TLR2: variants seen among roughly 807,000 people sequenced by gnomAD.
TLR2 encodes the protein toll like receptor 2, also known as toll-like receptor 2.
A neutral mutation model predicts 9.1 loss-of-function variants in TLR2; 7 were observed. That is an observed-to-expected ratio of 0.77 (90% CI 0.44 to 1.44). TLR2 has a LOEUF of 1.44. TLR2 is among the 40% of genes most tolerant of loss of function. The probability of loss-of-function intolerance (pLI) is 0.01; values close to 1 mark genes in which losing one functional copy is unlikely to be tolerated. For synonymous variants in TLR2, 317 were observed against 344.6 expected, an observed-to-expected ratio of 0.92 and a Z score of 0.89; for missense variants, 812 against 904.6, an observed-to-expected ratio of 0.90 and a Z score of 1.31.
rs773976655 is a variant in TLR2 at position 153,704,124 on chromosome 4, G to C, written c.1217G>C (p.Gly406Ala). The change falls in exon 3 of 3, where the codon GGA (glycine) becomes GCA (alanine). Residue 406 changes from glycine to alanine, a missense_variant. Coordinates refer to ENST00000642700, the MANE Select transcript of TLR2 (RefSeq NM_001318789.2). ...CATTTGGCATCATTGGAAAAAACCG[G>C]AGAGACTTTGCTCACTCTGAAAAAC... is the stretch of plus-strand genomic sequence containing the variant. ...QNHLASLEKT[G>A]ETLLTLKNLT... 1 of 1,613,794 alleles carries C rather than the reference G, an allele frequency of 6.2e-7. No individual in the cohort carries two copies. The highest frequency in any genetic ancestry group is 2.2e-5 in the East Asian group (1 of 44,880).
rs1024531382 is a variant in TLR2 at position 153,705,964 on chromosome 4, C to T, written c.*702C>T. ...AAAAGGCATTCTCTGTCCTACCTAG[C>T]TGTCACTTCTCTGTGCAGCTGATCT... is the stretch of plus-strand genomic sequence containing the variant. On this transcript the variant is annotated 3_prime_UTR_variant, in exon 3 of 3. Coordinates refer to ENST00000642700, the MANE Select transcript of TLR2 (RefSeq NM_001318789.2). 1.3e-5 allele frequency among the ~76,000 whole-genome samples: 2 copies of T among 152,216 alleles called. No homozygotes were observed. The highest frequency in any genetic ancestry group is 2.4e-5 in the African/African-American group (1 of 41,462).
At position 153,704,411 on chromosome 4, in the gene TLR2, C is replaced by A. The variant is rs759728260; in HGVS notation, c.1504C>A (p.Leu502Ile). ...AGATGCCTCCCTCTTACCCATGTTA[C>A]TAGTATTGAAAATCAGTAGGAATGC... ...LPDASLLPML[L>I]VLKISRNAIT... Residue 502 changes from leucine to isoleucine, a missense_variant, in exon 3 of 3, where the codon CTA becomes ATA. Coordinates refer to ENST00000642700, the MANE Select transcript of TLR2 (RefSeq NM_001318789.2). 4.3e-6 allele frequency: 7 copies of A among 1,613,990 alleles called. No homozygotes were observed. The highest frequency in any genetic ancestry group is 1.7e-5 in the Admixed American group (1 of 59,998).
rs772688052 is a variant in TLR2 at position 153,705,212 on chromosome 4, G to T, written c.2305G>T (p.Ala769Ser). The T allele has an allele frequency of 2.3e-5, 37 of 1,605,452 alleles. No homozygotes were observed. The South Asian group carries it at 3.4e-4, about 15-fold the overall frequency. Residue 769 changes from alanine to serine, a missense_variant, in exon 3 of 3, where the codon GCT (alanine) becomes TCT (serine). Coordinates refer to ENST00000642700, the MANE Select transcript of TLR2 (RefSeq NM_001318789.2). ...KTYLEWPMDE[A>S]QREGFWVNLR... ...CTACCTGGAGTGGCCCATGGACGAGGCTCAGCGGGAAGGATTTTGGGTAAA... is the reference window on the plus strand; with the variant it reads ...CTACCTGGAGTGGCCCATGGACGAGTCTCAGCGGGAAGGATTTTGGGTAAA...
chr4:153,705,385 TACTAAAACTACAA>T lies in TLR2; in HGVS notation c.*125_*137del. Reference sequence around the variant, plus strand: ...ATGTACCGTCATTTGAGGACTTGCTTACTAAAACTACAAAACTTCAAATTTTGTCTGGGGTGCT... The same window carrying T: ...ATGTACCGTCATTTGAGGACTTGCTTAACTTCAAATTTTGTCTGGGGTGCT... On this transcript the variant is annotated 3_prime_UTR_variant, in exon 3 of 3. Coordinates refer to ENST00000642700, the MANE Select transcript of TLR2 (RefSeq NM_001318789.2). 9.1e-7 allele frequency: 1 copy of T among 1,098,234 alleles called. No homozygotes were observed. Among genetic ancestry groups the T allele is most frequent in the Non-Finnish European group, 1.2e-6 (1 of 807,448 alleles). 68.0% of individuals were successfully genotyped at this position (1,098,234 alleles called of 1,614,324 possible). A position where few individuals can be genotyped will look rare whatever the true frequency, so the allele number is the denominator to read the frequency against.
intron 2 of TLR2, among the ~76,000 whole-genome samples, chr4:153,692,840 C>A (rs1736214937): frequency 6.6e-6 from 1 of 152,206 alleles, no homozygotes; most frequent in Admixed American, 6.5e-5. Context: ...CCAACTCCAA[C>A]TATGTTAAAT....
At chr4:153,710,483 C>T (rs757943437), downstream of TLR2, 3 of 1,609,230 alleles carry the variant, frequency 1.9e-6, no homozygotes, top group African/African-American at 2.7e-5. Context: ...AATGTGTGCG[C>T]TCCCAGCTAA....
At chr4:153,684,683 C>T (rs1404155117) in intron 1 of TLR2, among the ~76,000 whole-genome samples, 4 of 152,314 alleles carry the variant, frequency 2.6e-5, no homozygotes, top group East Asian at 1.9e-4. Context: ...CGGGACCCCG[C>T]GCGTGCAGTG....
intron 2 of TLR2, chr4:153,702,250 T>C (rs1020937442): frequency 1.3e-5 from 2 of 152,250 alleles, no homozygotes; most frequent in Non-Finnish European, 2.9e-5. Flanking sequence ...GTTCTGATGG[T>C]GTGAGTCTCC....
chr4:153,690,687 T>C (rs1736048726), intron 2 of TLR2, among the ~76,000 whole-genome samples: 2 of 152,258 alleles, frequency 1.3e-5, no homozygotes, highest in Admixed American at 6.5e-5. Flanking sequence ...ATTTGGCAAG[T>C]TGGGCATCAC....
intron 2 of TLR2, among the ~76,000 whole-genome samples, chr4:153,691,160 T>C (rs1054620351): frequency 6.6e-6 from 1 of 152,234 alleles, no homozygotes; most frequent in African/African-American, 2.4e-5. Flanking sequence ...GACCCATCTG[T>C]AAAAACATTC....
rs1242391132 is a variant in TLR2 at position 153,696,354 on chromosome 4, T to G, written c.-16-6538T>G. ...ATTTTTTGGTGTCCTCTTTAATTTC[T>G]TGCATCAGTGTTTATAGTGTTTCTT... On this transcript the variant is annotated intron_variant, in intron 2 of 2. Transcript: ENST00000642700. 3.9e-5 allele frequency among the ~76,000 whole-genome samples: 6 copies of G among 152,190 alleles called. No homozygotes were observed. The East Asian group carries it at 1.2e-3, about 29-fold the overall frequency.
intron 2 of TLR2, 107 bp from the exon 3 acceptor site, chr4:153,702,785 T>C (rs1736996692): frequency 1.5e-6 from 1 of 658,622 alleles, no homozygotes; most frequent in African/African-American, 1.8e-5. Context: ...TGTGTGTGTG[T>C]GTGTGTGTGT....
intron 2 of TLR2, among the ~76,000 whole-genome samples, chr4:153,699,877 G>A (rs528583789): frequency 7.2e-4 from 110 of 152,288 alleles, no homozygotes; most frequent in African/African-American, 2.4e-3. Flanking sequence ...CTACATATAT[G>A]TATATGCCAT....
intron 2 of TLR2, among the ~76,000 whole-genome samples, chr4:153,696,579 T>G (rs1034604758): frequency 1.3e-5 from 2 of 152,224 alleles, no homozygotes; most frequent in Admixed American, 1.3e-4. Context: ...ATTTGCTTAT[T>G]ACAGAGAGAC....
chr4:153,707,628 A>G (rs901058283), downstream of TLR2, among the ~76,000 whole-genome samples: 6 of 152,220 alleles, frequency 3.9e-5, no homozygotes, highest in African/African-American at 1.2e-4. Flanking sequence ...CACCAAATAC[A>G]GTAATGGACT....
chr4:153,697,361 T>G (rs1184035437), intron 2 of TLR2, among the ~76,000 whole-genome samples: 1 of 152,164 alleles, frequency 6.6e-6, no homozygotes, highest in Non-Finnish European at 1.5e-5. Flanking sequence ...ATTCTGTGTT[T>G]TATTGAGATA....
At chr4:153,693,593 A>G (rs543279459) in intron 2 of TLR2, among the ~76,000 whole-genome samples, 3 of 152,314 alleles carry the variant, frequency 2.0e-5, no homozygotes, top group African/African-American at 7.2e-5. Context: ...CTTCGAAATA[A>G]TGAGGGGGTG....
chr4:153,693,855 G>A (rs964673273), intron 2 of TLR2, among the ~76,000 whole-genome samples: 4 of 152,144 alleles, frequency 2.6e-5, no homozygotes, highest in East Asian at 1.9e-4. Flanking sequence ...TTTGTTCCAC[G>A]TTTTCCAACC....
Position 153,704,398 on chromosome 4 carries a change from C to G in TLR2, c.1491C>G (p.Leu497=), listed in dbSNP as rs1737169293. ...NKLMTLPDAS[L]LPMLLVLKIS... ...TGATGACTCTACCAGATGCCTCCCT[C>G]TTACCCATGTTACTAGTATTGAAAA... The change falls in exon 3 of 3, where the codon CTC becomes CTG. Residue 497 remains leucine, a synonymous_variant. Transcript: ENST00000642700. 6.2e-7 allele frequency: 1 copy of G among 1,613,994 alleles called. No individual in the cohort carries two copies. Among genetic ancestry groups the G allele is most frequent in the African/African-American group, 1.3e-5 (1 of 74,916 alleles).
Sources: gnomAD v4.1 joint callset for allele counts (sites outside exome capture counted in the v4.1 genomes callset) on GRCh38, gnomAD v4.1.1 for gene constraint, MANE v1.5 for transcripts, NCBI Gene and HGNC (gene_info 2026-07-23, HGNC 2026-07-21) for gene names.